The following BRCA1 variants were observed in gnomAD, a reference collection of about 807,000 sequenced individuals.
BRCA1 encodes breast cancer type 1 susceptibility protein.
In BRCA1, 140 loss-of-function variants were observed where a neutral mutation model predicts 173.7. The observed-to-expected ratio is 0.81, with a 90% confidence interval of 0.70 to 0.93. The LOEUF is 0.93. BRCA1 is among the 40% of genes least tolerant of loss of function. BRCA1 has a pLI of 0.00. For synonymous variants in BRCA1, 662 were observed against 756.0 expected, an observed-to-expected ratio of 0.88 and a Z score of 2.04; for missense variants, 1,983 against 2,172.5, an observed-to-expected ratio of 0.91 and a Z score of 1.73.
Position 43,157,299 on chromosome 17 carries a change from A to G in BRCA1, c.-20+12827T>C, listed in dbSNP as rs138797415. ...CAGTCATGATCAGGAATCACATATT[A>G]AGACATAACTGCAAATTGTGCTATA... On this transcript the variant is annotated intron_variant, in intron 1 of 7. Coordinates refer to the BRCA1 transcript ENST00000634433. Among the ~76,000 whole-genome samples the G allele has an allele frequency of 6.3e-4, 96 of 152,358 alleles. No individual in the cohort carries two copies. The Middle Eastern group carries it at 0.01, about 16-fold the overall frequency.
upstream of BRCA1, chr17:43,125,596 T>C (rs2055845987): frequency 6.7e-6 from 2 of 299,642 alleles, no homozygotes; most frequent in Admixed American, 4.5e-5. Context: ...GGAAGAATTC[T>C]ACCTGAGTTT....
chr17:43,152,724 G>A (rs1322651060), intron 1 of BRCA1, among the ~76,000 whole-genome samples: 8 of 152,084 alleles, frequency 5.3e-5, no homozygotes, highest in South Asian at 4.2e-4. Flanking sequence ...GCATAGTGGC[G>A]GACACCTGAA....
At chr17:43,055,022 T>C (rs533933113) in intron 19 of BRCA1, among the ~76,000 whole-genome samples, 11 of 152,280 alleles carry the variant, frequency 7.2e-5, no homozygotes, top group African/African-American at 2.6e-4. Context: ...AGTGCTGGGA[T>C]CACAGGTGTG....
At chr17:43,065,668 T>TCAAAAA (rs1215749613) in intron 16 of BRCA1, among the ~76,000 whole-genome samples, 23 of 151,964 alleles carry the variant, frequency 1.5e-4, no homozygotes, top group Admixed American at 1.3e-3. Flanking sequence ...AAACTACACC[T>TCAAAAA]CAAAAACAAA....
chr17:43,168,541 A>T (rs552162084), intron 1 of BRCA1, among the ~76,000 whole-genome samples: 131 of 152,344 alleles, frequency 8.6e-4, no homozygotes, highest in African/African-American at 3.1e-3. Context: ...TCGGGAGCTG[A>T]GGCAGGAGAA....
rs779459487 is a variant in BRCA1, at chr17:43,092,287, C to A, written c.3244G>T (p.Ala1082Ser). The A allele has an allele frequency of 6.2e-7, 1 of 1,613,912 alleles. No homozygotes were observed. Among genetic ancestry groups the A allele is most frequent in the Non-Finnish European group, 8.5e-7 (1 of 1,180,008 alleles). Residue 1082 changes from alanine to serine, a missense_variant, in exon 10 of 23, where the codon GCT becomes TCT. Physicochemically the swap from Ala to Ser is moderately conservative, Grantham distance 99. Transcript: ENST00000357654. Reference sequence around the variant, plus strand: ...TGCAAAACCCCTAATCTAAGCATAGCATTCAATTTTGGCCCTCTGTTTCTA... The same window carrying A: ...TGCAAAACCCCTAATCTAAGCATAGAATTCAATTTTGGCCCTCTGTTTCTA... ...LGRNRGPKLN[A>S]MLRLGVLQPE...
At chr17:43,147,008 C>G (rs2056126681) in intron 1 of BRCA1, among the ~76,000 whole-genome samples, 1 of 144,842 alleles carries the variant, frequency 6.9e-6, no homozygotes, top group Admixed American at 6.9e-5. Context: ...AGCCTCATGG[C>G]TTTTTTTTTT....
intron 1 of BRCA1, among the ~76,000 whole-genome samples, chr17:43,149,168 G>T (rs975376388): frequency 1.3e-5 from 2 of 150,098 alleles, no homozygotes; most frequent in African/African-American, 4.9e-5. Context: ...GCACGATCTC[G>T]GCTCACTGCA....
At chr17:43,163,748 G>A (rs1226713911) in intron 1 of BRCA1, 1 of 152,232 alleles carries the variant, frequency 6.6e-6, no homozygotes, top group Non-Finnish European at 1.5e-5. Context: ...AGGGCTGACT[G>A]ATTGATAAGC....
rs2154369596 is a variant in BRCA1 at position 43,092,939 on chromosome 17, T to C, written c.2592A>G (p.Ser864=). The change falls in exon 10 of 23, where the codon TCA becomes TCG. Residue 864 remains serine, a synonymous_variant. Transcript: ENST00000357654. ...AAAACGGAGCAAATGACTGGCGCTT[T>C]GAAACCTTGAATGTATTCTGCAAAT... The part of the protein sequence containing the change: ...AQYLQNTFKV[S]KRQSFAPFSN... The C allele has an allele frequency of 6.2e-7, 1 of 1,613,858 alleles. No homozygotes were observed. Among genetic ancestry groups the C allele is most frequent in the Non-Finnish European group, 8.5e-7 (1 of 1,179,962 alleles).
At chr17:43,079,199 CAAAAA>C (rs963309205) in intron 12 of BRCA1, 30 of 748,092 alleles carry the variant, frequency 4.0e-5, no homozygotes, top group Admixed American at 9.2e-5. Context: ...CAAAACAAAA[CAAAAA>C]AAATGAAAGG....
Position 43,091,902 on chromosome 17 carries a change from T to C in BRCA1, c.3629A>G (p.Glu1210Gly), listed in dbSNP as rs1060502347. ...ACTAGATAAGTTCTCTTCTGAGGAC[T>C]CTAATTTCTTGGCCCCTCTTCGGTA... ...QGYRRGAKKLESSEENLSSED... is the reference protein window; with the variant it reads ...QGYRRGAKKLGSSEENLSSED... The change falls in exon 10 of 23, where the codon GAG becomes GGG. Residue 1210 changes from glutamate (E) to glycine (G), a missense_variant. Coordinates refer to ENST00000357654, the MANE Select transcript of BRCA1 (RefSeq NM_007294.4). The C allele has an allele frequency of 1.2e-6, 2 of 1,614,150 alleles. No homozygotes were observed. The highest frequency in any genetic ancestry group is 1.7e-5 in the Admixed American group (1 of 60,014).
At chr17:43,168,464 C>T (rs1218924448) in intron 1 of BRCA1, among the ~76,000 whole-genome samples, 1 of 152,114 alleles carries the variant, frequency 6.6e-6, no homozygotes, top group Non-Finnish European at 1.5e-5. Context: ...ACGGAGAAAC[C>T]TCGTTTCTAC....
intron 4 of BRCA1, 44 bp downstream of exon 4, chr17:43,106,412 T>G (rs1400943682): frequency 2.4e-6 from 3 of 1,273,324 alleles, no homozygotes; most frequent in Admixed American, 3.7e-5. Flanking sequence ...TACTTTTTCC[T>G]ACTGTGGTTG....
rs1555595010 is a variant in BRCA1, at chr17:43,099,897, A to C, written c.442-17T>G. ...GGTTTCCTGCTAAACAGTATGGTAA[A>C]GAACAGTCAAGCAATTGTTGGCCAG... On this transcript the variant is annotated splice_polypyrimidine_tract_variant and intron_variant, in intron 6 of 22. Transcript: ENST00000357654. 6.3e-7 allele frequency: 1 copy of C among 1,578,364 alleles called. No homozygotes were observed. The highest frequency in any genetic ancestry group is 2.2e-5 in the East Asian group (1 of 44,666).
At chr17:43,149,252 C>A (rs546321204) in intron 1 of BRCA1, among the ~76,000 whole-genome samples, 1 of 150,194 alleles carries the variant, frequency 6.7e-6, no homozygotes, top group South Asian at 2.1e-4. Flanking sequence ...GTGCCCGCCA[C>A]CACACCGGGC....
intron 2 of BRCA1, among the ~76,000 whole-genome samples, chr17:43,123,048 C>G (rs2055652400): frequency 6.8e-6 from 1 of 146,398 alleles, no homozygotes; most frequent in Admixed American, 6.9e-5. Context: ...CAGAGCAAGA[C>G]TCCATCTCAA....
rs534095658 is a variant in BRCA1 at position 43,156,137 on chromosome 17, T to C, written c.-20+13989A>G. ...CTGTAGTCCTGGCTACTCGGGAGGC[T>C]GAGGCAGGAGAATTGCTTGAACCCG... On this transcript the variant is annotated intron_variant, in intron 1 of 7. Transcript: ENST00000634433. Among the ~76,000 whole-genome samples, 20 of 151,896 alleles carry C rather than the reference T, an allele frequency of 1.3e-4. No individual in the cohort carries two copies. In the South Asian group the frequency reaches 1.9e-3, roughly 14 times the overall value.
In BRCA1 at chr17:43,047,642, C is replaced by T. The variant is rs80358145; in HGVS notation, c.5467+1G>A. 2 of 1,614,080 alleles carry T rather than the reference C, an allele frequency of 1.2e-6. No individual in the cohort carries two copies. The highest frequency in any genetic ancestry group is 2.2e-5 in the East Asian group (1 of 44,898). ...AGCACAGGTACATGCAGGCACCTTACCATGGAAGCCATTGTCCTCTGTCCA... is the reference window on the plus strand; with the variant it reads ...AGCACAGGTACATGCAGGCACCTTATCATGGAAGCCATTGTCCTCTGTCCA... On this transcript the variant is annotated splice_donor_variant, in intron 22 of 22. Transcript: ENST00000357654. LOFTEE classifies it high-confidence loss of function.
Sources: gnomAD v4.1 joint callset for allele counts (sites outside exome capture counted in the v4.1 genomes callset) on GRCh38, gnomAD v4.1.1 for gene constraint, MANE v1.5 for transcripts, NCBI Gene and HGNC (gene_info 2026-07-23, HGNC 2026-07-21) for gene names.